The following SYT7 variants were observed in gnomAD, a reference collection of about 807,000 sequenced individuals.
SYT7 encodes the protein synaptotagmin-7.
In SYT7, 29 loss-of-function variants were observed where a neutral mutation model predicts 75.1. The ratio of observed to expected loss-of-function variants is 0.39; its 90% confidence interval spans 0.29 to 0.53. The LOEUF is 0.53. Among genes scored for constraint, SYT7 ranks in the 20% least tolerant of loss-of-function variants. The pLI, the probability that SYT7 is intolerant of heterozygous loss-of-function variation, is 0.77. For missense variants in SYT7, 693 were observed against 953.2 expected, an observed-to-expected ratio of 0.73 and a Z score of 3.59; for synonymous variants, 376 against 401.7, an observed-to-expected ratio of 0.94 and a Z score of 0.76.
intron 12 of SYT7, among the ~76,000 whole-genome samples, chr11:61,522,208 T>C (rs1006289548): frequency 2.6e-4 from 38 of 145,328 alleles, no homozygotes; most frequent in African/African-American, 7.8e-4. Context: ...TTTTTTTTTT[T>C]CAGGCAGAGT....
chr11:61,552,371 G>A (rs1387089255), intron 2 of SYT7, among the ~76,000 whole-genome samples: 1 of 152,252 alleles, frequency 6.6e-6, no homozygotes, highest in Non-Finnish European at 1.5e-5. Context: ...TGGGCAGTCG[G>A]GGGACAGGGG....
At position 61,531,053 on chromosome 11, in the gene SYT7, T is replaced by G. The variant is rs7130418; in HGVS notation, c.1200+1936A>C. On this transcript the variant is annotated intron_variant, in intron 8 of 12. Coordinates refer to ENST00000539008, the MANE Select transcript of SYT7 (RefSeq NM_001365809.2). ...TCCTTCTTTGGCCAGCTCTGGGTGCTTAACTCTTGTCTCTTGACCCCCAGA... is the reference window on the plus strand; with the variant it reads ...TCCTTCTTTGGCCAGCTCTGGGTGCGTAACTCTTGTCTCTTGACCCCCAGA... 3,211 of 985,438 alleles carry G rather than the reference T, an allele frequency of 3.3e-3. 80 individuals carry two copies. In the African/African-American group the frequency reaches 0.053, roughly 16 times the overall value. 61.0% of individuals were successfully genotyped at this position (985,438 alleles called of 1,614,324 possible).
chr11:61,523,043 C>G lies in SYT7; in HGVS notation c.1956+32G>C. 6.2e-7 allele frequency: 1 copy of G among 1,608,942 alleles called. No individual in the cohort carries two copies. The highest frequency in any genetic ancestry group is 8.5e-7 in the Non-Finnish European group (1 of 1,175,804). On this transcript the variant is annotated intron_variant, in intron 12 of 12. Coordinates refer to ENST00000539008, the MANE Select transcript of SYT7 (RefSeq NM_001365809.2). This position sits in a 1 kb window ranked among gnomAD's most constrained non-coding sequence, Gnocchi z 5.0. ...AGGAACGGAGCCTCACTGGTGCCAGCAGGTGCACCACACCACCTGCCTCGC... is the reference window on the plus strand; with the variant it reads ...AGGAACGGAGCCTCACTGGTGCCAGGAGGTGCACCACACCACCTGCCTCGC...
At chr11:61,533,574 C>T (rs753605655) in intron 7 of SYT7, 2 of 985,386 alleles carry the variant, frequency 2.0e-6, no homozygotes, top group Non-Finnish European at 2.4e-6. Context: ...TGCAAACACG[C>T]CCAGAATGTC....
chr11:61,517,528 G>A lies in SYT7; in HGVS notation c.*1099C>T. 1 of 399,486 alleles carries A rather than the reference G, an allele frequency of 2.5e-6. No individual in the cohort carries two copies. Among genetic ancestry groups the A allele is most frequent in the Non-Finnish European group, 4.4e-6 (1 of 226,594 alleles). 24.7% of individuals were successfully genotyped at this position (399,486 alleles called of 1,614,324 possible). A position where few individuals can be genotyped will look rare whatever the true frequency, so the allele number is the denominator to read the frequency against. On this transcript the variant is annotated 3_prime_UTR_variant, in exon 13 of 13. Coordinates refer to ENST00000539008, the MANE Select transcript of SYT7 (RefSeq NM_001365809.2). ...GTCTACAAGCATTGGGGGATGGAGG[G>A]GTGGAGGAAAGAAGGGTGGAGGTCT...
rs557006615 is a variant in SYT7, at chr11:61,547,388, G to T, written c.216-80C>A. 29 of 1,481,192 alleles carry T rather than the reference G, an allele frequency of 2.0e-5. No individual in the cohort carries two copies. The East Asian group carries it at 6.2e-4, about 32-fold the overall frequency. The allele number at this position is 1,481,192 out of a possible 1,614,324, so 91.8% of individuals were successfully genotyped here. On this transcript the variant is annotated intron_variant, in intron 3 of 12. Transcript: ENST00000539008. ...ACTGCAAGTCCTGCGGGGGCAGAAG[G>T]GACCAGGACCCCGGGGCCGGGCACA...
At chr11:61,534,076 G>A (rs2062791484) in intron 7 of SYT7, among the ~76,000 whole-genome samples, 2 of 152,210 alleles carry the variant, frequency 1.3e-5, no homozygotes, top group African/African-American at 4.8e-5. Context: ...CTAAAAGCCT[G>A]CCCAGGGACC....
intron 12 of SYT7, 93 bp from the exon 13 acceptor site, chr11:61,518,824 C>A (rs577206169): frequency 1.3e-5 from 12 of 893,068 alleles, no homozygotes; most frequent in Admixed American, 1.3e-4. Context: ...CACCATGATA[C>A]CCTAGCCTGT....
At chr11:61,530,962 C>T (rs2062686659) in intron 8 of SYT7, 2 of 985,312 alleles carry the variant, frequency 2.0e-6, no homozygotes, top group Admixed American at 1.2e-4. Context: ...CACCCCTATA[C>T]CAGGGCAGGA....
rs1440691312 is a variant in SYT7 at position 61,546,203 on chromosome 11, C to A, written c.400G>T (p.Glu134Ter). ...KVAAAAGLAVEREGRLGEKPA... is the reference protein window; with the variant it reads ...KVAAAAGLAV ...TTCTCCCCCAGCCGGCCTTCCCGCT[C>A]CACCGCCAGCCCCGCCGCGGCGGCC... The change falls in exon 5 of 13, where the codon GAG becomes TAG. Residue 134 changes from glutamate (E) to a stop codon, truncating the protein, a stop_gained. Transcript: ENST00000539008. LOFTEE classifies it high-confidence loss of function. This position sits in a 1 kb window ranked among gnomAD's most constrained non-coding sequence, Gnocchi z 7.6. The A allele has an allele frequency of 6.7e-7, 1 of 1,498,762 alleles. No individual in the cohort carries two copies. The allele number at this position is 1,498,762 out of a possible 1,614,324, so 92.8% of individuals were successfully genotyped here. A position where few individuals can be genotyped will look rare whatever the true frequency, so the allele number is the denominator to read the frequency against.
At chr11:61,587,912 C>T in the SYT7 span, among the ~76,000 whole-genome samples, 2 of 152,078 alleles carry the variant, frequency 1.3e-5, no homozygotes, top group Non-Finnish European at 2.9e-5. Context: ...AGGAGGGGGA[C>T]GGTACACAGA....
chr11:61,551,537 G>A lies in SYT7; in HGVS notation c.136-74C>T, dbSNP rs558447564. On this transcript the variant is annotated intron_variant, in intron 2 of 12. Coordinates refer to ENST00000539008, the MANE Select transcript of SYT7 (RefSeq NM_001365809.2). The surrounding 1 kb of genome is among the most constrained non-coding windows in gnomAD (Gnocchi z 5.3). ...CCCTACCTCCCCAGAACAGGGACCCGGAGGGGAAGGAGATAGACTGGAGTC... is the reference window on the plus strand; with the variant it reads ...CCCTACCTCCCCAGAACAGGGACCCAGAGGGGAAGGAGATAGACTGGAGTC... 111 of 1,459,906 alleles carry A rather than the reference G, an allele frequency of 7.6e-5. No homozygotes were observed. The African/African-American group carries it at 1.1e-3, about 15-fold the overall frequency. The allele number at this position is 1,459,906 out of a possible 1,614,324, so 90.4% of individuals were successfully genotyped here.
chr11:61,551,297 A>C lies in SYT7; in HGVS notation c.215+87T>G. ...GTGGGGGAAGTGAAAGTGTGTGGTCAGGTCTGTGGGGCTGGGGGAGAGAAG... is the reference window on the plus strand; with the variant it reads ...GTGGGGGAAGTGAAAGTGTGTGGTCCGGTCTGTGGGGCTGGGGGAGAGAAG... On this transcript the variant is annotated intron_variant, in intron 3 of 12. Coordinates refer to ENST00000539008, the MANE Select transcript of SYT7 (RefSeq NM_001365809.2). The surrounding 1 kb of genome is among the most constrained non-coding windows in gnomAD (Gnocchi z 5.3). The C allele has an allele frequency of 8.1e-7, 1 of 1,236,226 alleles. No individual in the cohort carries two copies. The highest frequency in any genetic ancestry group is 1.2e-6 in the Non-Finnish European group (1 of 849,220). The allele number at this position is 1,236,226 out of a possible 1,614,324, so 76.6% of individuals were successfully genotyped here. A position where few individuals can be genotyped will look rare whatever the true frequency, so the allele number is the denominator to read the frequency against.
Position 61,551,308 on chromosome 11 carries a change from G to T in SYT7, c.215+76C>A. ...GAAAGTGTGTGGTCAGGTCTGTGGG[G>T]CTGGGGGAGAGAAGGGGCTCCTCCC... On this transcript the variant is annotated intron_variant, in intron 3 of 12. Transcript: ENST00000539008. The surrounding 1 kb of genome is among the most constrained non-coding windows in gnomAD (Gnocchi z 5.3). 1.5e-6 allele frequency: 2 copies of T among 1,371,190 alleles called. No individual in the cohort carries two copies. Among genetic ancestry groups the T allele is most frequent in the Non-Finnish European group, 2.1e-6 (2 of 966,990 alleles). The allele number at this position is 1,371,190 out of a possible 1,614,324, so 84.9% of individuals were successfully genotyped here.
At chr11:61,556,321 G>C (rs902672378) in intron 1 of SYT7, 114 bp from the exon 2 acceptor site, 1 of 794,960 alleles carries the variant, frequency 1.3e-6, no homozygotes, top group African/African-American at 1.7e-5. Context: ...TTCACTGGGA[G>C]CTCTGAACCC....
rs2062444888 is a variant in SYT7, at chr11:61,524,343, A to T, written c.1641+20T>A. On this transcript the variant is annotated intron_variant, in intron 10 of 12. Transcript: ENST00000539008. This position sits in a 1 kb window ranked among gnomAD's most constrained non-coding sequence, Gnocchi z 4.1. ...CTGCCCTGCTGCCTGTCCAGCTAAG[A>T]CCCACCCATGGGGCCTTACACTCCC... 1 of 1,613,310 alleles carries T rather than the reference A, an allele frequency of 6.2e-7. No homozygotes were observed. The highest frequency in any genetic ancestry group is 8.5e-7 in the Non-Finnish European group (1 of 1,179,598).
At chr11:61,536,732 G>A (rs1276687541) in intron 7 of SYT7, among the ~76,000 whole-genome samples, 2 of 152,192 alleles carry the variant, frequency 1.3e-5, no homozygotes, top group African/African-American at 4.8e-5. Flanking sequence ...GGAAGAAACT[G>A]GGAGGGGTGG....
At position 61,523,906 on chromosome 11, in the gene SYT7, GTA is replaced by G; in HGVS notation, c.1675_1676del (p.Tyr559GlnfsTer59). 6.2e-7 allele frequency: 1 copy of G among 1,614,080 alleles called. No individual in the cohort carries two copies. Among genetic ancestry groups the G allele is most frequent in the South Asian group, 1.1e-5 (1 of 91,086 alleles). On this transcript the variant is annotated frameshift_variant, in exon 11 of 13. Coordinates refer to ENST00000539008, the MANE Select transcript of SYT7 (RefSeq NM_001365809.2). LOFTEE classifies it high-confidence loss of function. The surrounding 1 kb of genome is among the most constrained non-coding windows in gnomAD (Gnocchi z 5.0). Reference sequence around the variant, plus strand: ...CGATGATGGAGTTGGCAGAGGGGTTGTAGCAGAGAGACAAGAGCAGCTCCCCT... The same window carrying G: ...CGATGATGGAGTTGGCAGAGGGGTTGGCAGAGAGACAAGAGCAGCTCCCCT... ...SRGELLLSLCYNPSANSIIVN... is the reference protein window; with the variant it reads ...SRGELLLSLCXNPSANSIIVN...
chr11:61,528,279 G>A, intron 8 of SYT7, 94 bp from the exon 9 acceptor site: 1 of 1,479,582 alleles, frequency 6.8e-7, no homozygotes, highest in Non-Finnish European at 9.1e-7. Flanking sequence ...GCCAGAGGCG[G>A]TGGCCCAGCC....
Sources: gnomAD v4.1 joint callset for allele counts (sites outside exome capture counted in the v4.1 genomes callset) on GRCh38, gnomAD v4.1.1 for gene constraint, Gnocchi (gnomAD v3.1) non-coding constraint, MANE v1.5 for transcripts, NCBI Gene and HGNC (gene_info 2026-07-23, HGNC 2026-07-21) for gene names.